The following LRFN5 variants were observed in gnomAD, a reference collection of about 807,000 sequenced individuals.
LRFN5 encodes the protein leucine-rich repeat and fibronectin type-III domain-containing protein 5.
A neutral mutation model predicts 45.6 loss-of-function variants in LRFN5; 24 were observed. That is an observed-to-expected ratio of 0.53 (90% CI 0.38 to 0.74). The LOEUF is 0.74. Ranked by LOEUF, LRFN5 falls within the 30% of genes least tolerant of loss-of-function variation. LRFN5 has a pLI of 0.00. For missense variants in LRFN5, 776 were observed against 861.5 expected (o/e 0.90, Z 1.24); for synonymous variants, 340 against 313.8 (o/e 1.08, Z -0.88).
chr14:41,636,572 A>G (rs1407216980), intron 1 of LRFN5, among the ~76,000 whole-genome samples: 1 of 151,986 alleles, frequency 6.6e-6, no homozygotes, highest in Non-Finnish European at 1.5e-5. Flanking sequence ...TATGTAACAA[A>G]CCTGCAGGTT....
chr14:41,767,292 A>C (rs1177552766), intron 2 of LRFN5, among the ~76,000 whole-genome samples: 1 of 151,944 alleles, frequency 6.6e-6, no homozygotes, highest in African/African-American at 2.4e-5. Flanking sequence ...CATTATCATA[A>C]TTTATACTTA....
At chr14:41,678,249 T>TA (rs1855103651) in intron 1 of LRFN5, among the ~76,000 whole-genome samples, 2 of 151,736 alleles carry the variant, frequency 1.3e-5, no homozygotes, top group African/African-American at 4.8e-5. Flanking sequence ...CATGCATACA[T>TA]ACATACATAC....
chr14:41,655,653 G>C (rs552542133), intron 1 of LRFN5, among the ~76,000 whole-genome samples: 11 of 151,928 alleles, frequency 7.2e-5, no homozygotes, highest in Non-Finnish European at 1.5e-4. Context: ...AAGGGGACCT[G>C]CTTAGGAAAA....
intron 1 of LRFN5, among the ~76,000 whole-genome samples, chr14:41,753,573 T>C (rs1419583848): frequency 6.6e-6 from 1 of 152,126 alleles, no homozygotes; most frequent in African/African-American, 2.4e-5. Context: ...TGTTTGTCTG[T>C]TATTGGTGTA....
At chr14:41,701,496 T>TA in intron 1 of LRFN5, 1 of 152,172 alleles carries the variant, frequency 6.6e-6, no homozygotes. Flanking sequence ...AATACCTCTT[T>TA]AAACAAAGAA....
intron 1 of LRFN5, among the ~76,000 whole-genome samples, chr14:41,673,549 C>T (rs1411391887): frequency 1.2e-4 from 18 of 145,842 alleles, no homozygotes; most frequent in Non-Finnish European, 1.1e-4. Context: ...ACCTCCCGGA[C>T]GGGGCGGCTG....
intron 1 of LRFN5, chr14:41,610,025 A>C (rs1887678024): frequency 6.6e-6 from 1 of 152,536 alleles, no homozygotes; most frequent in Non-Finnish European, 1.5e-5. Flanking sequence ...TGGTGGTGCT[A>C]CAAGGCCATG....
At chr14:41,795,580 G>A (rs1298723578) in intron 2 of LRFN5, among the ~76,000 whole-genome samples, 3 of 152,070 alleles carry the variant, frequency 2.0e-5, no homozygotes, top group Admixed American at 6.6e-5. Flanking sequence ...TATACACCAT[G>A]GAATGCTATG....
chr14:41,777,397 C>T (rs535412753), intron 2 of LRFN5, among the ~76,000 whole-genome samples: 3 of 151,622 alleles, frequency 2.0e-5, no homozygotes, highest in African/African-American at 7.2e-5. Context: ...TTTTCTGTTT[C>T]TTCACAAATG....
At chr14:41,671,604 A>ATTTTTTTTTTC (rs1566613117) in intron 1 of LRFN5, among the ~76,000 whole-genome samples, 8 of 91,076 alleles carry the variant, frequency 8.8e-5, no homozygotes, top group African/African-American at 3.2e-4. Flanking sequence ...TGGAGGAGAG[A>ATTTTTTTTTTC]TTTTTTTTTT....
intron 1 of LRFN5, among the ~76,000 whole-genome samples, chr14:41,674,946 G>T (rs1181489408): frequency 6.9e-6 from 1 of 145,794 alleles, no homozygotes; most frequent in Admixed American, 6.8e-5. Flanking sequence ...GGGTAGAGGC[G>T]CTCCTCACAT....
At chr14:41,649,763 C>T (rs1880004986) in intron 1 of LRFN5, among the ~76,000 whole-genome samples, 1 of 152,100 alleles carries the variant, frequency 6.6e-6, no homozygotes, top group African/African-American at 2.4e-5. Context: ...GACGTTTCCT[C>T]TTAGTAATTT....
intron 1 of LRFN5, among the ~76,000 whole-genome samples, chr14:41,676,797 A>C (rs1881651994): frequency 6.6e-6 from 1 of 152,346 alleles, no homozygotes; most frequent in Non-Finnish European, 1.5e-5. Context: ...TTCTGCCCCA[A>C]GGGTGACTCC....
chr14:41,771,908 TGTTA>T (rs1886103891), intron 2 of LRFN5, among the ~76,000 whole-genome samples: 1 of 152,198 alleles, frequency 6.6e-6, no homozygotes, highest in African/African-American at 2.4e-5. Context: ...CAATTATCTG[TGTTA>T]GTTCATTTTT....
intron 1 of LRFN5, among the ~76,000 whole-genome samples, chr14:41,750,321 T>G (rs1313205480): frequency 6.7e-6 from 1 of 148,842 alleles, no homozygotes; most frequent in Non-Finnish European, 1.5e-5. Flanking sequence ...GTATATAAGA[T>G]TTCATGTATA....
intron 1 of LRFN5, chr14:41,700,450 G>T (rs1389490882): frequency 1.3e-5 from 2 of 152,040 alleles, no homozygotes; most frequent in Non-Finnish European, 2.9e-5. Flanking sequence ...GCGTAAACGA[G>T]TGATAGAGAG....
chr14:41,845,433 T>A (rs563904828), intron 2 of LRFN5, among the ~76,000 whole-genome samples: 1 of 152,302 alleles, frequency 6.6e-6, no homozygotes, highest in Admixed American at 6.5e-5. Flanking sequence ...GTCTGCCATA[T>A]GCATGTATAT....
At chr14:41,650,624 A>G (rs1292809194) in intron 1 of LRFN5, among the ~76,000 whole-genome samples, 1 of 152,186 alleles carries the variant, frequency 6.6e-6, no homozygotes, top group Non-Finnish European at 1.5e-5. Context: ...TCCACATTGA[A>G]TAATCTCTTT....
At chr14:41,640,053 G>A (rs1291399960) in intron 1 of LRFN5, among the ~76,000 whole-genome samples, 3 of 148,102 alleles carry the variant, frequency 2.0e-5, no homozygotes, top group African/African-American at 7.5e-5. Flanking sequence ...TCTTGACTGG[G>A]CTTCTCAAAG....
Sources: gnomAD v4.1 joint callset for allele counts (sites outside exome capture counted in the v4.1 genomes callset) on GRCh38, gnomAD v4.1.1 for gene constraint, MANE v1.5 for transcripts, NCBI Gene and HGNC (gene_info 2026-07-23, HGNC 2026-07-21) for gene names.